The following LRRTM3 variants were observed in gnomAD, a reference collection of about 807,000 sequenced individuals.
LRRTM3 encodes leucine-rich repeat transmembrane neuronal protein 3.
A neutral mutation model predicts 44.7 loss-of-function variants in LRRTM3; 24 were observed. That is an observed-to-expected ratio of 0.54 (90% confidence interval 0.39 to 0.76). LRRTM3 has a LOEUF of 0.76. Ranked by LOEUF, LRRTM3 falls within the 30% of genes least tolerant of loss-of-function variation. LRRTM3 has a pLI of 0.00. For synonymous variants in LRRTM3, 277 were observed against 278.7 expected (o/e 0.99, Z 0.06); for missense variants, 587 against 702.2 (o/e 0.84, Z 1.85).
intron 2 of LRRTM3, among the ~76,000 whole-genome samples, chr10:67,062,989 G>A (rs914391221): frequency 1.3e-5 from 2 of 151,606 alleles, no homozygotes; most frequent in African/African-American, 2.4e-5. Flanking sequence ...TTTTCTGATC[G>A]TTGTCTTTTA....
intron 2 of LRRTM3, among the ~76,000 whole-genome samples, chr10:66,984,598 C>T (rs985693849): frequency 9.9e-5 from 15 of 152,044 alleles, no homozygotes; most frequent in African/African-American, 2.9e-4. Context: ...CTTCTCAATG[C>T]GTTCATGATT....
At chr10:67,032,822 T>A (rs1343230584) in intron 2 of LRRTM3, among the ~76,000 whole-genome samples, 1 of 152,212 alleles carries the variant, frequency 6.6e-6, no homozygotes, top group Non-Finnish European at 1.5e-5. Flanking sequence ...CAGACCACAC[T>A]GAATCCTTGG....
In LRRTM3 at chr10:66,960,536, C is replaced by A. The variant is rs1301560875; in HGVS notation, c.1536+32084C>A. On this transcript the variant is annotated intron_variant, in intron 2 of 2. Transcript: ENST00000361320. ...TGATCTTTTCTCAGATAATATGTAG[C>A]ATGAAAATACAAGTTAATTATTCAC... Among the ~76,000 whole-genome samples the A allele has an allele frequency of 2.0e-5, 3 of 152,002 alleles. No individual in the cohort carries two copies. The East Asian group carries it at 5.8e-4, about 29-fold the overall frequency.
At position 66,926,250 on chromosome 10, in the gene LRRTM3, T is replaced by C. The variant is rs966403466; in HGVS notation, c.-334T>C. ...ATCATGTTTTTCGATAAGAAGAAAT[T>C]GTAGGATCCAGTTTTTTTTTTAACC... On this transcript the variant is annotated 5_prime_UTR_variant, in exon 1 of 3. Coordinates refer to ENST00000361320, the MANE Select transcript of LRRTM3 (RefSeq NM_178011.5). 9 of 492,648 alleles carry C rather than the reference T, an allele frequency of 1.8e-5. No individual in the cohort carries two copies. Among genetic ancestry groups the C allele is most frequent in the Non-Finnish European group, 3.0e-5 (8 of 268,132 alleles). The allele number at this position is 492,648 out of a possible 1,614,324, so 30.5% of individuals were successfully genotyped here. A position where few individuals can be genotyped will look rare whatever the true frequency, so the allele number is the denominator to read the frequency against.
intron 2 of LRRTM3, among the ~76,000 whole-genome samples, chr10:67,094,444 T>C (rs1857843900): frequency 6.6e-6 from 1 of 151,876 alleles, no homozygotes; most frequent in Non-Finnish European, 1.5e-5. Context: ...AAACATCTAG[T>C]AAATTATTAT....
In LRRTM3 at chr10:67,051,592, T is replaced by C. The variant is rs1480617467; in HGVS notation, c.1537-45995T>C. Among the ~76,000 whole-genome samples, 3 of 151,882 alleles carry C rather than the reference T, an allele frequency of 2.0e-5. No individual in the cohort carries two copies. In the East Asian group the frequency reaches 5.8e-4, roughly 29 times the overall value. ...CTCCTGCCTCAATCAGGAGATGGTC[T>C]CGATCTTTTGACCTCATGACCTGAG... On this transcript the variant is annotated intron_variant, in intron 2 of 2. Coordinates refer to ENST00000361320, the MANE Select transcript of LRRTM3 (RefSeq NM_178011.5).
chr10:67,038,134 T>C (rs1000590932), intron 2 of LRRTM3, among the ~76,000 whole-genome samples: 5 of 152,266 alleles, frequency 3.3e-5, no homozygotes, highest in Middle Eastern at 3.4e-3. Context: ...AGAGCAAGCA[T>C]TTCAGAGCAA....
chr10:66,987,083 G>C (rs549146971), intron 2 of LRRTM3, among the ~76,000 whole-genome samples: 1 of 152,176 alleles, frequency 6.6e-6, no homozygotes, highest in Non-Finnish European at 1.5e-5. Context: ...AAGTCCCGAC[G>C]TGAAGTCCTT....
At chr10:67,056,856 T>A (rs958037090) in intron 2 of LRRTM3, among the ~76,000 whole-genome samples, 2 of 152,108 alleles carry the variant, frequency 1.3e-5, no homozygotes, top group African/African-American at 4.8e-5. Flanking sequence ...CTCAGGAAGG[T>A]GCATATGAGG....
rs1335783897 is a variant in LRRTM3 at position 67,046,880 on chromosome 10, T to C, written c.1537-50707T>C. Among the ~76,000 whole-genome samples, 4 of 152,100 alleles carry C rather than the reference T, an allele frequency of 2.6e-5. No homozygotes were observed. The East Asian group carries it at 7.7e-4, about 29-fold the overall frequency. On this transcript the variant is annotated intron_variant, in intron 2 of 2. Coordinates refer to ENST00000361320, the MANE Select transcript of LRRTM3 (RefSeq NM_178011.5). ...TAGGAATTAAGGGTCCAAAGAAAATTTGGGCACTGCCTTCCTTTTACATTG... is the reference window on the plus strand; with the variant it reads ...TAGGAATTAAGGGTCCAAAGAAAATCTGGGCACTGCCTTCCTTTTACATTG...
At chr10:66,957,459 T>TATATATATATGCATATATATATATGC (rs1564794111) in intron 2 of LRRTM3, among the ~76,000 whole-genome samples, 36 of 25,144 alleles carry the variant, frequency 1.4e-3, no homozygotes, top group Admixed American at 7.2e-3. Context: ...TATATATGCA[T>TATATATATATGCATATATATATATGC]ATATATATAT....
At chr10:67,033,087 C>T (rs552304824) in intron 2 of LRRTM3, among the ~76,000 whole-genome samples, 92 of 152,152 alleles carry the variant, frequency 6.0e-4, no homozygotes, top group Middle Eastern at 3.4e-3. Flanking sequence ...TTTGGAAACT[C>T]GAAATTCTTA....
intron 2 of LRRTM3, among the ~76,000 whole-genome samples, chr10:66,964,382 A>T (rs1011509648): frequency 1.3e-5 from 2 of 151,880 alleles, no homozygotes; most frequent in Non-Finnish European, 2.9e-5. Flanking sequence ...TGTTTCTCTC[A>T]TACTTTAAAA....
In LRRTM3 at chr10:66,927,722, G is replaced by A. The variant is rs775258956; in HGVS notation, c.806G>A (p.Ser269Asn). The change falls in exon 2 of 3, where the codon AGT (serine) becomes AAT (asparagine). Residue 269 changes from serine to asparagine, a missense_variant. Coordinates refer to ENST00000361320, the MANE Select transcript of LRRTM3 (RefSeq NM_178011.5). The surrounding 1 kb of genome is among the most constrained non-coding windows in gnomAD (Gnocchi z 4.7). ...DLSGNEIEAF[S>N]GPSVFQCVPN... ...TCAGGCAATGAGATCGAAGCTTTCA[G>A]TGGACCCAGTGTTTTCCAGTGTGTC... is the stretch of plus-strand genomic sequence containing the variant. 1 of 1,614,180 alleles carries A rather than the reference G, an allele frequency of 6.2e-7. No individual in the cohort carries two copies. The highest frequency in any genetic ancestry group is 8.5e-7 in the Non-Finnish European group (1 of 1,180,030).
chr10:66,978,552 A>AAATAAAAAAAAAATATATATATATAT, intron 2 of LRRTM3, among the ~76,000 whole-genome samples: 15 of 37,870 alleles, frequency 4.0e-4, no homozygotes, highest in African/African-American at 8.7e-4. Flanking sequence ...AAAAAAAAAA[A>AAATAAAAAAAAAATATATATATATAT]ATATATATAT....
intron 2 of LRRTM3, among the ~76,000 whole-genome samples, chr10:66,939,120 T>C (rs900794893): frequency 3.9e-5 from 6 of 152,144 alleles, no homozygotes; most frequent in Admixed American, 1.3e-4. Flanking sequence ...CCAAAGTAAC[T>C]ACTCTACTGG....
rs1858314510 is a variant in LRRTM3, at chr10:67,101,163, T to C, written c.*3367T>C. Reference sequence around the variant, plus strand: ...ATGTGCAGAACAGATGCTCCCAAGATGTGGATGCATGTAGGCCCCGAGGTA... The same window carrying C: ...ATGTGCAGAACAGATGCTCCCAAGACGTGGATGCATGTAGGCCCCGAGGTA... On this transcript the variant is annotated 3_prime_UTR_variant, in exon 3 of 3. Coordinates refer to ENST00000361320, the MANE Select transcript of LRRTM3 (RefSeq NM_178011.5). Among the ~76,000 whole-genome samples the C allele has an allele frequency of 6.6e-6, 1 of 151,610 alleles. No individual in the cohort carries two copies.
At chr10:66,981,195 C>T (rs951387319) in intron 2 of LRRTM3, among the ~76,000 whole-genome samples, 1 of 152,186 alleles carries the variant, frequency 6.6e-6, no homozygotes, top group African/African-American at 2.4e-5. Context: ...TGAGCCACCG[C>T]GCCCAGCCAC....
intron 2 of LRRTM3, among the ~76,000 whole-genome samples, chr10:67,012,773 TG>T (rs1564831035): frequency 2.0e-5 from 3 of 152,160 alleles, no homozygotes; most frequent in Admixed American, 6.6e-5. Context: ...TCAAGATTTT[TG>T]TTGGAATTCA....
Sources: allele counts gnomAD v4.1 joint callset (sites outside exome capture counted in the v4.1 genomes callset), GRCh38; gene constraint gnomAD v4.1.1; non-coding constraint Gnocchi (gnomAD v3.1); transcripts MANE v1.5; gene names NCBI Gene and HGNC (gene_info 2026-07-23, HGNC 2026-07-21).